The following CREBBP variants were observed in gnomAD, a reference collection of about 807,000 sequenced individuals.
CREBBP encodes CREB binding lysine acetyltransferase, also known as CREB-binding protein.
CREBBP carries 19 observed loss-of-function variants against 265.0 expected under a neutral mutation model. That is an observed-to-expected ratio of 0.07 (90% confidence interval 0.05 to 0.11). The LOEUF is 0.11. Ranked by LOEUF, CREBBP falls within the 10% of genes least tolerant of loss-of-function variation. The pLI is 1.00. For synonymous variants in CREBBP, 1,457 were observed against 1,223.7 expected, an observed-to-expected ratio of 1.19 and a Z score of -3.98; for missense variants, 2,525 against 3,219.0, an observed-to-expected ratio of 0.78 and a Z score of 5.22.
At chr16:3,810,491 A>G in intron 3 of CREBBP, 112 bp downstream of exon 3, 5 of 1,292,730 alleles carry the variant, frequency 3.9e-6, no homozygotes, top group Non-Finnish European at 5.6e-6. Context: ...TTCTCTTCCT[A>G]TCACCTACTG....
At chr16:3,793,992 C>T (rs575761308) in intron 3 of CREBBP, among the ~76,000 whole-genome samples, 1 of 152,258 alleles carries the variant, frequency 6.6e-6, no homozygotes, top group South Asian at 2.1e-4. Flanking sequence ...CCCAAATGGC[C>T]AAACACTGGC....
intron 3 of CREBBP, among the ~76,000 whole-genome samples, chr16:3,803,288 C>T (rs867431000): frequency 1.6e-5 from 1 of 64,296 alleles, no homozygotes; most frequent in Non-Finnish European, 2.8e-5. Flanking sequence ...GGGTGGATCA[C>T]GAGGTCAGGA....
At chr16:3,757,215 A>G in intron 19 of CREBBP, 73 bp downstream of exon 19, 2 of 1,268,508 alleles carry the variant, frequency 1.6e-6, no homozygotes, top group Non-Finnish European at 2.3e-6. Flanking sequence ...GGAAAGAAAT[A>G]ATGTACACAG....
At chr16:3,769,073 C>A in intron 15 of CREBBP, 101 bp downstream of exon 15, 1 of 1,327,700 alleles carries the variant, frequency 7.5e-7, no homozygotes, top group Non-Finnish European at 1.1e-6. Context: ...AATATTTTAA[C>A]TAAAGTCAGG....
intron 18 of CREBBP, 117 bp downstream of exon 18, chr16:3,757,692 G>T: frequency 7.0e-7 from 1 of 1,420,658 alleles, no homozygotes; most frequent in Non-Finnish European, 9.7e-7. Flanking sequence ...TGTGTCACCA[G>T]ACAGCAGATT....
intron 3 of CREBBP, 98 bp from the exon 4 acceptor site, chr16:3,793,724 A>G: frequency 7.1e-7 from 1 of 1,399,122 alleles, no homozygotes; most frequent in Non-Finnish European, 9.8e-7. Context: ...CTGATGGATA[A>G]TACCGACCAC....
intron 2 of CREBBP, among the ~76,000 whole-genome samples, chr16:3,813,402 C>T (rs2053975181): frequency 1.3e-5 from 2 of 152,154 alleles, no homozygotes; most frequent in South Asian, 2.1e-4. Context: ...TTCTGATTTG[C>T]AAGAAGCTTC....
intron 4 of CREBBP, 82 bp from the exon 5 acceptor site, chr16:3,792,176 T>G: frequency 8.7e-7 from 1 of 1,146,126 alleles, no homozygotes; most frequent in Admixed American, 1.7e-5. Flanking sequence ...TAATGCCAGA[T>G]TCCATAAGAA....
intron 1 of CREBBP, among the ~76,000 whole-genome samples, chr16:3,862,755 T>C (rs1490376478): frequency 2.6e-5 from 4 of 152,164 alleles, no homozygotes; most frequent in Non-Finnish European, 5.9e-5. Flanking sequence ...AGTTTTTCCC[T>C]TGAAGCTCCC....
At chr16:3,803,605 G>C (rs932942546) in intron 3 of CREBBP, among the ~76,000 whole-genome samples, 2 of 152,102 alleles carry the variant, frequency 1.3e-5, no homozygotes, top group African/African-American at 4.8e-5. Context: ...AAAGTAGAAA[G>C]CAAATGGCTA....
At chr16:3,852,313 C>T (rs1299475261) in intron 1 of CREBBP, among the ~76,000 whole-genome samples, 2 of 150,172 alleles carry the variant, frequency 1.3e-5, no homozygotes, top group Admixed American at 1.3e-4. Flanking sequence ...GGATTATAGG[C>T]GCCCACCACC....
intron 1 of CREBBP, among the ~76,000 whole-genome samples, chr16:3,859,689 T>A (rs1009193770): frequency 1.3e-5 from 2 of 152,164 alleles, no homozygotes; most frequent in African/African-American, 4.8e-5. Context: ...GTTTAATCAA[T>A]CATGCCTATG....
rs368722846 is a variant in CREBBP at position 3,879,411 on chromosome 16, A to G, written c.85+421T>C. ...AATGTGTCGCCAATCCAGAAAACAC[A>G]CTGCCCTACCTTTGGCCGCGATCTT... is the stretch of plus-strand genomic sequence containing the variant. On this transcript the variant is annotated intron_variant, in intron 1 of 30. Transcript: ENST00000262367. Among the ~76,000 whole-genome samples the G allele has an allele frequency of 9.2e-5, 14 of 152,296 alleles. No individual in the cohort carries two copies. The East Asian group carries it at 2.7e-3, about 29-fold the overall frequency.
At chr16:3,777,894 GCTTCTGCAGGGCATGCATCAGATA>G in intron 10 of CREBBP, 93 bp downstream of exon 10, 2 of 1,293,896 alleles carry the variant, frequency 1.5e-6, no homozygotes, top group Admixed American at 1.7e-5. Context: ...CACATCAACA[GCTTCTGCAGGGCATGCATCAGATA>G]TTCTAATTCT....
chr16:3,773,259 G>C (rs1211288698), intron 13 of CREBBP, among the ~76,000 whole-genome samples: 1 of 152,168 alleles, frequency 6.6e-6, no homozygotes, highest in Non-Finnish European at 1.5e-5. Context: ...TTCAGCTCTA[G>C]ATTGAGAAAT....
intron 1 of CREBBP, among the ~76,000 whole-genome samples, chr16:3,873,397 G>C (rs566642885): frequency 6.6e-6 from 1 of 152,200 alleles, no homozygotes; most frequent in African/African-American, 2.4e-5. Context: ...CAGAATTCCC[G>C]GCTATGTATC....
intron 2 of CREBBP, among the ~76,000 whole-genome samples, chr16:3,825,828 CTG>C (rs2054226190): frequency 6.6e-6 from 1 of 152,248 alleles, no homozygotes; most frequent in African/African-American, 2.4e-5. Flanking sequence ...ATAGAGAAAA[CTG>C]TAACGGAAAA....
intron 16 of CREBBP, among the ~76,000 whole-genome samples, chr16:3,762,014 G>A (rs1049824194): frequency 6.6e-6 from 1 of 152,200 alleles, no homozygotes; most frequent in Non-Finnish European, 1.5e-5. Context: ...AGAAGAAAAA[G>A]AAAAGAATAC....
chr16:3,871,840 G>A (rs2055306155), intron 1 of CREBBP, among the ~76,000 whole-genome samples: 1 of 152,176 alleles, frequency 6.6e-6, no homozygotes, highest in Admixed American at 6.5e-5. Flanking sequence ...TGAATTAGGT[G>A]CAACTGGAAA....
Sources: gnomAD v4.1 joint callset for allele counts (sites outside exome capture counted in the v4.1 genomes callset) on GRCh38, gnomAD v4.1.1 for gene constraint, MANE v1.5 for transcripts, NCBI Gene and HGNC (gene_info 2026-07-23, HGNC 2026-07-21) for gene names.